PRSS12: variants seen among roughly 807,000 people sequenced by gnomAD.
PRSS12 encodes neurotrypsin.
A neutral mutation model predicts 104.4 loss-of-function variants in PRSS12; 85 were observed. That is an observed-to-expected ratio of 0.81 (90% CI 0.68 to 0.98). The LOEUF (loss-of-function observed/expected upper bound fraction) is 0.98, where lower values mean the gene tolerates loss of function less well. PRSS12 is among the 50% of genes least tolerant of loss of function. The pLI is 0.00. For synonymous variants in PRSS12, 454 were observed against 425.2 expected (o/e 1.07, Z -0.83); for missense variants, 1,141 against 1,139.2 (o/e 1.00, Z -0.02).
At chr4:118,311,953 C>T (rs1743741399) in intron 7 of PRSS12, among the ~76,000 whole-genome samples, 1 of 152,098 alleles carries the variant, frequency 6.6e-6, no homozygotes, top group Admixed American at 6.6e-5. Context: ...CTCCAGCAAA[C>T]AAATTCTATC....
intron 4 of PRSS12, among the ~76,000 whole-genome samples, chr4:118,321,628 T>TC (rs1236225826): frequency 6.6e-6 from 1 of 152,138 alleles, no homozygotes; most frequent in Non-Finnish European, 1.5e-5. Context: ...CGTTAAGGAA[T>TC]CCCCACGTAC....
At chr4:118,314,525 A>G (rs920460284) in intron 6 of PRSS12, among the ~76,000 whole-genome samples, 2 of 152,132 alleles carry the variant, frequency 1.3e-5, no homozygotes. Flanking sequence ...TCATCTGTCC[A>G]TAGCAACTAC....
At chr4:118,336,802 AC>A (rs1724075190) in intron 2 of PRSS12, among the ~76,000 whole-genome samples, 1 of 152,244 alleles carries the variant, frequency 6.6e-6, no homozygotes, top group South Asian at 2.1e-4. Context: ...ATAAAGGAAG[AC>A]ATTGACATCA....
intron 2 of PRSS12, 105 bp downstream of exon 2, chr4:118,338,071 G>A (rs1038184595): frequency 3.5e-6 from 5 of 1,433,144 alleles, no homozygotes; most frequent in African/African-American, 1.4e-5. Context: ...AATGAGGAAA[G>A]TGACAGTAAG....
chr4:118,340,065 C>T (rs143953242), intron 1 of PRSS12, among the ~76,000 whole-genome samples: 2 of 152,226 alleles, frequency 1.3e-5, no homozygotes, highest in Non-Finnish European at 2.9e-5. Flanking sequence ...CATCAAAAAG[C>T]TATCAAGAAG....
intron 1 of PRSS12, among the ~76,000 whole-genome samples, chr4:118,343,861 C>T (rs980411265): frequency 1.3e-5 from 2 of 152,094 alleles, no homozygotes; most frequent in Admixed American, 1.3e-4. Flanking sequence ...AAAACAAAGA[C>T]CCACCCCAAT....
intron 11 of PRSS12, among the ~76,000 whole-genome samples, chr4:118,283,904 A>G (rs1213546524): frequency 6.6e-6 from 1 of 152,196 alleles, no homozygotes; most frequent in Non-Finnish European, 1.5e-5. Flanking sequence ...AATCTAAAAC[A>G]CCTAAAATAG....
At chr4:118,341,476 A>T (rs553609521) in intron 1 of PRSS12, among the ~76,000 whole-genome samples, 28 of 152,210 alleles carry the variant, frequency 1.8e-4, no homozygotes, top group African/African-American at 6.7e-4. Context: ...TGAGATTGAG[A>T]GTTCGAGACC....
At chr4:118,316,051 G>C in intron 6 of PRSS12, 131 bp downstream of exon 6, 1 of 982,342 alleles carries the variant, frequency 1.0e-6, no homozygotes, top group South Asian at 1.5e-5. Context: ...TTTCATTGTT[G>C]TACTTCCATA....
Position 118,280,129 on chromosome 4 carries a change from G to A in PRSS12, c.*1807C>T, listed in dbSNP as rs1742802714. On this transcript the variant is annotated 3_prime_UTR_variant, in exon 13 of 13. Coordinates refer to ENST00000296498, the MANE Select transcript of PRSS12 (RefSeq NM_003619.4). ...CACACTTAAGACATAGTAAAAGCAT[G>A]TTGTATGAACCATGTATTCTTAAGG... 1 of 152,254 alleles carries A rather than the reference G, an allele frequency of 6.6e-6. No individual in the cohort carries two copies. The highest frequency in any genetic ancestry group is 1.5e-5 in the Non-Finnish European group (1 of 68,048). 9.4% of individuals were successfully genotyped at this position (152,254 alleles called of 1,614,324 possible). A position where few individuals can be genotyped will look rare whatever the true frequency, so the allele number is the denominator to read the frequency against.
At chr4:118,290,384 A>G (rs921008059) in intron 11 of PRSS12, among the ~76,000 whole-genome samples, 1 of 152,178 alleles carries the variant, frequency 6.6e-6, no homozygotes. Context: ...GAAATCTTGA[A>G]TAACAGGAAG....
chr4:118,315,545 A>G (rs1743883235), intron 6 of PRSS12, among the ~76,000 whole-genome samples: 1 of 152,182 alleles, frequency 6.6e-6, no homozygotes, highest in Admixed American at 6.5e-5. Flanking sequence ...AAGAAAGAAT[A>G]GGCATTCATA....
intron 7 of PRSS12, among the ~76,000 whole-genome samples, chr4:118,309,156 T>G (rs1422135228): frequency 6.6e-6 from 1 of 152,006 alleles, no homozygotes; most frequent in Non-Finnish European, 1.5e-5. Flanking sequence ...TCTATTGATT[T>G]TAAGGGAAAG....
In PRSS12 at chr4:118,352,767, C is replaced by T. The variant is rs1206293525; in HGVS notation, c.-47G>A. On this transcript the variant is annotated 5_prime_UTR_variant, in exon 1 of 13. Transcript: ENST00000296498. Reference sequence around the variant, plus strand: ...GGTCCATGCTCCCCAGCTTCTCGGGCTTGGAGCGGAGAAGAGGAGGGGGCG... The same window carrying T: ...GGTCCATGCTCCCCAGCTTCTCGGGTTTGGAGCGGAGAAGAGGAGGGGGCG... The T allele has an allele frequency of 6.3e-7, 1 of 1,599,306 alleles. No homozygotes were observed. Among genetic ancestry groups the T allele is most frequent in the Admixed American group, 1.7e-5 (1 of 59,310 alleles).
chr4:118,303,723 T>C (rs1178559956), intron 8 of PRSS12: 2 of 152,116 alleles, frequency 1.3e-5, no homozygotes, highest in Non-Finnish European at 2.9e-5. Context: ...AATTTTTATA[T>C]CCTCAAATTT....
In PRSS12 at chr4:118,291,480, C is replaced by T. The variant is rs549303678; in HGVS notation, c.2039+3459G>A. On this transcript the variant is annotated intron_variant, in intron 11 of 12. Transcript: ENST00000296498. ...TGTCAAAGAAATAAAAAATAAACAA[C>T]AGAAAACTCTTTTTTGTGTTAAAGC... 6.8e-4 allele frequency among the ~76,000 whole-genome samples: 103 copies of T among 152,154 alleles called. 1 individual carries two copies. Among genetic ancestry groups the T allele is most frequent in the Non-Finnish European group, 1.4e-3 (92 of 68,020 alleles).
intron 5 of PRSS12, among the ~76,000 whole-genome samples, chr4:118,317,455 A>G (rs988209482): frequency 3.3e-5 from 5 of 152,170 alleles, no homozygotes; most frequent in African/African-American, 1.2e-4. Context: ...CAAACCTTTT[A>G]TTAATATAAT....
rs1742874439 is a variant in PRSS12 at position 118,281,995 on chromosome 4, C to G, written c.2569G>C (p.Gly857Arg). 6.3e-7 allele frequency: 1 copy of G among 1,575,594 alleles called. No individual in the cohort carries two copies. The highest frequency in any genetic ancestry group is 1.3e-5 in the African/African-American group (1 of 74,128). The change falls in exon 13 of 13, where the codon GGT becomes CGT. Residue 857 changes from glycine (G) to arginine (R), a missense_variant. Physicochemically the swap from Gly to Arg is moderately radical, Grantham distance 125 (BLOSUM62 -2). Transcript: ENST00000296498. ...AAGGCTGAGACTTTGGTATAAACAC[C>G]AGGAGAATCCTTGACTCCACAGCCA... Reference protein sequence around the residue: ...GYGCGVKDSPGVYTKVSAFVP... With the variant: ...GYGCGVKDSPRVYTKVSAFVP...
chr4:118,351,561 AT>A (rs1385406834), intron 1 of PRSS12, among the ~76,000 whole-genome samples: 2 of 152,142 alleles, frequency 1.3e-5, no homozygotes, highest in African/African-American at 4.8e-5. Context: ...GTATAACTAT[AT>A]TAAGTTGCTA....
Sources: allele counts gnomAD v4.1 joint callset (sites outside exome capture counted in the v4.1 genomes callset), GRCh38; gene constraint gnomAD v4.1.1; transcripts MANE v1.5; gene names NCBI Gene and HGNC (gene_info 2026-07-23, HGNC 2026-07-21).